AKAP7: variants seen among roughly 807,000 people sequenced by gnomAD.
AKAP7 encodes the protein A kinase (PRKA) anchor protein 7.
In AKAP7, 39 loss-of-function variants were observed where a neutral mutation model predicts 39.5. The observed-to-expected ratio is 0.99, with a 90% CI of 0.76 to 1.29. AKAP7 has a LOEUF of 1.29. Among genes scored for constraint, AKAP7 ranks in the 50% most tolerant of loss-of-function variants. The probability of loss-of-function intolerance (pLI) is 0.00; values close to 1 mark genes in which losing one functional copy is unlikely to be tolerated. For missense variants in AKAP7, 414 were observed against 407.7 expected, an observed-to-expected ratio of 1.02 and a Z score of -0.13; for synonymous variants, 140 against 139.1, an observed-to-expected ratio of 1.01 and a Z score of -0.05.
At chr6:131,172,786 T>G (rs1268701681) in intron 5 of AKAP7, among the ~76,000 whole-genome samples, 1 of 152,252 alleles carries the variant, frequency 6.6e-6, no homozygotes, top group Non-Finnish European at 1.5e-5. Context: ...TTTACTATAA[T>G]TCTTTTGGCA....
At chr6:131,189,650 G>GA (rs1400252101) in intron 5 of AKAP7, among the ~76,000 whole-genome samples, 1 of 152,112 alleles carries the variant, frequency 6.6e-6, no homozygotes, top group Admixed American at 6.5e-5. Flanking sequence ...ATCTCCTATA[G>GA]AAAAAAATAT....
intron 7 of AKAP7, among the ~76,000 whole-genome samples, chr6:131,280,258 G>C (rs745451923): frequency 4.6e-5 from 7 of 152,110 alleles, no homozygotes; most frequent in Admixed American, 1.3e-4. Context: ...GTTGCTAAGG[G>C]TTCCCACTAT....
intron 6 of AKAP7, among the ~76,000 whole-genome samples, chr6:131,204,843 G>C (rs3777473): frequency 6.6e-6 from 1 of 152,160 alleles, no homozygotes; most frequent in African/African-American, 2.4e-5. Context: ...GTCTGGAAAA[G>C]AGCTAAATGA....
chr6:131,162,688 C>A (rs1803096107), intron 3 of AKAP7, among the ~76,000 whole-genome samples: 2 of 152,170 alleles, frequency 1.3e-5, no homozygotes, highest in Non-Finnish European at 2.9e-5. Flanking sequence ...GCTCTTCTAC[C>A]CTTCCTTGGG....
chr6:131,178,732 A>G (rs565366528), intron 5 of AKAP7, among the ~76,000 whole-genome samples: 24 of 152,092 alleles, frequency 1.6e-4, no homozygotes, highest in African/African-American at 5.5e-4. Flanking sequence ...CAGTTGTCCT[A>G]TCTCCTTCTG....
At chr6:131,160,337 C>T in intron 3 of AKAP7, 139 bp downstream of exon 3, 1 of 835,998 alleles carries the variant, frequency 1.2e-6, no homozygotes, top group Non-Finnish European at 1.9e-6. Context: ...GGGAATATTT[C>T]TGTTTAAGTA....
rs1800587109 is a variant in AKAP7 at position 131,136,842 on chromosome 6, T to A, written c.19+1060T>A. On this transcript the variant is annotated intron_variant, in intron 1 of 7. Coordinates refer to ENST00000431975, the MANE Select transcript of AKAP7 (RefSeq NM_016377.4). ...ACGCAGCTGTCAACATTTACTAACG[T>A]GTAAGATGCTAATACTATTTTTAGT... The A allele has an allele frequency of 2.3e-5, 23 of 985,136 alleles. No individual in the cohort carries two copies. In the South Asian group the frequency reaches 8.5e-4, roughly 36 times the overall value. The allele number at this position is 985,136 out of a possible 1,614,324, so 61.0% of individuals were successfully genotyped here.
At chr6:131,134,493 C>T (rs1295046562), upstream of AKAP7, among the ~76,000 whole-genome samples, 2 of 152,078 alleles carry the variant, frequency 1.3e-5, no homozygotes, top group African/African-American at 4.8e-5. Context: ...CTTTTATTTC[C>T]GCAGTTACTT....
At chr6:131,198,038 T>C (rs986210241) in intron 5 of AKAP7, among the ~76,000 whole-genome samples, 1 of 152,160 alleles carries the variant, frequency 6.6e-6, no homozygotes, top group African/African-American at 2.4e-5. Context: ...CTTGAGATAA[T>C]GGGAGTGCTA....
At chr6:131,143,678 GTGTTTTTTGGCT>G (rs1801231273) in intron 1 of AKAP7, among the ~76,000 whole-genome samples, 1 of 151,782 alleles carries the variant, frequency 6.6e-6, no homozygotes, top group South Asian at 2.1e-4. Context: ...GTAAAAATGT[GTGTTTTTTGGCT>G]TGTATGTTAA....
chr6:131,135,669 C>G lies in AKAP7; in HGVS notation c.-95C>G, dbSNP rs898073440. The G allele has an allele frequency of 1.3e-5, 14 of 1,060,594 alleles. No individual in the cohort carries two copies. Among genetic ancestry groups the G allele is most frequent in the Non-Finnish European group, 1.5e-5 (13 of 875,122 alleles). 65.7% of individuals were successfully genotyped at this position (1,060,594 alleles called of 1,614,324 possible). ...CCGCCCTCAGGCCCCGAGCCCCGCCCTGGCCTCCGCCTCGGCCTCGCCTCC... is the reference window on the plus strand; with the variant it reads ...CCGCCCTCAGGCCCCGAGCCCCGCCGTGGCCTCCGCCTCGGCCTCGCCTCC... On this transcript the variant is annotated 5_prime_UTR_variant, in exon 1 of 8. Transcript: ENST00000431975.
chr6:131,161,686 T>TAAAAAAAAAAAAAAAAAAAAAAAAAAA (rs1392090781), intron 3 of AKAP7, among the ~76,000 whole-genome samples: 1 of 78,890 alleles, frequency 1.3e-5, no homozygotes, highest in Non-Finnish European at 2.8e-5. Flanking sequence ...AAAAAAAAAT[T>TAAAAAAAAAAAAAAAAAAAAAAAAAAA]AAAGGTCCTA....
intron 7 of AKAP7, among the ~76,000 whole-genome samples, chr6:131,260,780 T>C (rs752355797): frequency 1.3e-5 from 2 of 152,226 alleles, no homozygotes; most frequent in Non-Finnish European, 2.9e-5. Flanking sequence ...ATAGTTTCTT[T>C]TGCTGTGCAG....
chr6:131,180,831 T>G (rs1805137300), intron 5 of AKAP7, among the ~76,000 whole-genome samples: 1 of 91,272 alleles, frequency 1.1e-5, no homozygotes. Context: ...TTTTGTTTGT[T>G]TTGTTTTTTT....
intron 7 of AKAP7, among the ~76,000 whole-genome samples, chr6:131,269,996 T>G (rs1814137310): frequency 1.3e-5 from 2 of 152,206 alleles, no homozygotes; most frequent in African/African-American, 4.8e-5. Context: ...GACAGGGCAC[T>G]AGTCCATTCA....
intron 2 of AKAP7, among the ~76,000 whole-genome samples, chr6:131,147,821 G>C (rs958934988): frequency 4.6e-5 from 7 of 152,200 alleles, no homozygotes; most frequent in Non-Finnish European, 8.8e-5. Context: ...AACAAGGGAT[G>C]AGTCTGTTCA....
intron 7 of AKAP7, among the ~76,000 whole-genome samples, chr6:131,277,864 G>C (rs1207995577): frequency 6.6e-6 from 1 of 152,040 alleles, no homozygotes; most frequent in African/African-American, 2.4e-5. Flanking sequence ...TTGGTTGGTT[G>C]GTTAGTTAGT....
At position 131,153,527 on chromosome 6, in the gene AKAP7, A is replaced by G. The variant is rs565034470; in HGVS notation, c.152-6532A>G. Among the ~76,000 whole-genome samples, 186 of 152,262 alleles carry G rather than the reference A, an allele frequency of 1.2e-3. 1 individual carries two copies. Among genetic ancestry groups the G allele is most frequent in the Non-Finnish European group, 2.0e-3 (138 of 68,024 alleles). On this transcript the variant is annotated intron_variant, in intron 2 of 7. Coordinates refer to ENST00000431975, the MANE Select transcript of AKAP7 (RefSeq NM_016377.4). ...TATGTTATAACCATTACCTTGAGAG[A>G]TTATGATTTTTTTTTTTGCAAAATG...
At chr6:131,269,280 C>T (rs1306959018) in intron 7 of AKAP7, among the ~76,000 whole-genome samples, 1 of 152,152 alleles carries the variant, frequency 6.6e-6, no homozygotes, top group Non-Finnish European at 1.5e-5. Flanking sequence ...CCAGGCTGCT[C>T]TCGAACTCCT....
Sources: gnomAD v4.1 joint callset for allele counts (sites outside exome capture counted in the v4.1 genomes callset) on GRCh38, gnomAD v4.1.1 for gene constraint, MANE v1.5 for transcripts, NCBI Gene and HGNC (gene_info 2026-07-23, HGNC 2026-07-21) for gene names.